IDO2: variants seen among roughly 807,000 people sequenced by gnomAD.
IDO2 encodes the protein indoleamine 2,3-dioxygenase-like 1 protein.
IDO2 carries 46 observed loss-of-function variants against 45.1 expected under a neutral mutation model. That is an observed-to-expected ratio of 1.02 (90% CI 0.80 to 1.30). The LOEUF (loss-of-function observed/expected upper bound fraction) is 1.30, where lower values mean the gene tolerates loss of function less well. Among genes scored for constraint, IDO2 ranks in the 50% most tolerant of loss-of-function variants. The probability of loss-of-function intolerance (pLI) is 0.00; values close to 1 mark genes in which losing one functional copy is unlikely to be tolerated. For missense variants in IDO2, 544 were observed against 491.8 expected (o/e 1.11, Z -1.00); for synonymous variants, 218 against 184.9 (o/e 1.18, Z -1.45).
At chr8:39,977,030 G>A (rs1470361105) in intron 3 of IDO2, among the ~76,000 whole-genome samples, 4 of 151,954 alleles carry the variant, frequency 2.6e-5, no homozygotes, top group African/African-American at 7.2e-5. Context: ...TCTTTCAAAT[G>A]TGTCTAGACG....
chr8:39,995,293 T>TCTTCTTCTTCTTCCTC (rs1554548632), intron 8 of IDO2: 3 of 144,774 alleles, frequency 2.1e-5, no homozygotes, highest in African/African-American at 2.7e-5. Flanking sequence ...TTCTTCTTTT[T>TCTTCTTCTTCTTCCTC]TTTTTGAGAT....
chr8:39,947,171 CAAAAA>C (rs55785952), intron 1 of IDO2, among the ~76,000 whole-genome samples: 2 of 80,018 alleles, frequency 2.5e-5, no homozygotes, highest in East Asian at 4.2e-4. Flanking sequence ...GCTAAGGTAT[CAAAAA>C]AAAAAAAAAA....
At chr8:40,012,196 T>A (rs961743479) in intron 9 of IDO2, among the ~76,000 whole-genome samples, 1 of 150,936 alleles carries the variant, frequency 6.6e-6, no homozygotes, top group African/African-American at 2.4e-5. Context: ...AAAATAACTT[T>A]TAGAATTATA....
At chr8:39,949,366 A>C (rs1807782684) in intron 2 of IDO2, 102 bp downstream of exon 2, 1 of 801,704 alleles carries the variant, frequency 1.2e-6, no homozygotes, top group South Asian at 1.9e-5. Flanking sequence ...GACCAATATA[A>C]ATATCAAGTT....
chr8:40,015,354 C>G, exon 11 of IDO2: 7 of 1,613,848 alleles, frequency 4.3e-6, no homozygotes, highest in Non-Finnish European at 5.1e-6. Context: ...GTCATCTGGA[C>G]AGGACCACTT....
chr8:39,935,129 T>G lies in IDO2; in HGVS notation c.-107T>G, dbSNP rs1186550342. 2.1e-6 allele frequency: 3 copies of G among 1,420,746 alleles called. No individual in the cohort carries two copies. The African/African-American group carries it at 4.2e-5, about 20-fold the overall frequency. The allele number at this position is 1,420,746 out of a possible 1,614,324, so 88.0% of individuals were successfully genotyped here. ...CATAATACAGAAGGCAATGGACACC[T>G]AAAGAACAGAATGAAAACCTTCTTA... On this transcript the variant is annotated 5_prime_UTR_variant, in exon 1 of 11. An upstream open reading frame in the 5' UTR loses its in-frame stop. Coordinates refer to ENST00000502986, the Ensembl canonical transcript of IDO2.
intron 1 of IDO2, among the ~76,000 whole-genome samples, chr8:39,946,690 C>A (rs1490709396): frequency 6.6e-6 from 1 of 152,190 alleles, no homozygotes; most frequent in Non-Finnish European, 1.5e-5. Flanking sequence ...AAACTCCAGT[C>A]TCCCGCACAG....
At chr8:39,935,184 G>A (rs557509465) in exon 1 of IDO2, 2 of 1,613,436 alleles carry the variant, frequency 1.2e-6, no homozygotes, top group African/African-American at 1.3e-5. Context: ...TCACCCACCA[G>A]GCCACCACAA....
intron 3 of IDO2, among the ~76,000 whole-genome samples, chr8:39,973,928 A>T (rs767314005): frequency 1.6e-4 from 24 of 152,042 alleles, no homozygotes; most frequent in Non-Finnish European, 3.2e-4. Context: ...TTTTTGGTAG[A>T]GACTGGGTTT....
intron 3 of IDO2, among the ~76,000 whole-genome samples, chr8:39,967,940 T>C (rs964855901): frequency 6.6e-6 from 1 of 152,166 alleles, no homozygotes; most frequent in Non-Finnish European, 1.5e-5. Context: ...CTTGGCAGAT[T>C]CTTATAAAAT....
intron 7 of IDO2, among the ~76,000 whole-genome samples, chr8:39,988,795 C>T (rs1203808494): frequency 1.3e-5 from 2 of 152,120 alleles, no homozygotes; most frequent in African/African-American, 2.4e-5. Context: ...TATATTATAG[C>T]GCTTTCTTTC....
intron 2 of IDO2, among the ~76,000 whole-genome samples, chr8:39,951,274 G>GATTTTT (rs1190638505): frequency 2.9e-4 from 16 of 55,814 alleles, no homozygotes; most frequent in Non-Finnish European, 6.3e-4. Context: ...CGGACCCCAA[G>GATTTTT]ATTTTTTTTT....
intron 1 of IDO2, among the ~76,000 whole-genome samples, chr8:39,937,324 T>C (rs1027536073): frequency 2.0e-5 from 3 of 152,172 alleles, no homozygotes; most frequent in African/African-American, 7.2e-5. Flanking sequence ...GCAGCTTACA[T>C]CAAACAGAAA....
intron 1 of IDO2, among the ~76,000 whole-genome samples, chr8:39,935,467 T>TTC (rs1807531749): frequency 6.8e-6 from 1 of 147,558 alleles, no homozygotes; most frequent in Non-Finnish European, 1.5e-5. Flanking sequence ...TGTTGTTGTT[T>TTC]TGAGACAGAG....
At chr8:40,005,143 C>T (rs142747825) in intron 8 of IDO2, among the ~76,000 whole-genome samples, 184 bp from the exon 9 acceptor site, 13 of 152,278 alleles carry the variant, frequency 8.5e-5, no homozygotes, top group East Asian at 5.8e-4. Context: ...TTAGAAGTTC[C>T]GGGAGCACCC....
exon 1 of IDO2, chr8:39,935,069 C>G (rs2129592756): frequency 1.1e-6 from 1 of 876,620 alleles, no homozygotes. Context: ...ATTTTAAAGA[C>G]AAGGATTGGA....
At chr8:39,994,240 G>A (rs4610729) in intron 8 of IDO2, among the ~76,000 whole-genome samples, 68,731 of 150,364 alleles carry the variant, frequency 0.46, 16,376 homozygotes, top group South Asian at 0.53. Flanking sequence ...CTATAATGAA[G>A]ATTGTTTCTT....
rs16888407 is a variant in IDO2 at position 39,944,263 on chromosome 8, C to T, written c.-17-4886C>T. ...GAGATCTATGACCTGAATATTATTA[C>T]GCAAGGATCCACTTTGGGATTACAG... On this transcript the variant is annotated intron_variant, in intron 1 of 10. Transcript: ENST00000502986. Among the ~76,000 whole-genome samples, 426 of 49,068 alleles carry T rather than the reference C, an allele frequency of 8.7e-3. 5 individuals are homozygous for T. In the East Asian group the frequency reaches 0.13, roughly 15 times the overall value. 32.2% of individuals were successfully genotyped at this position (49,068 alleles called of 152,430 possible).
At chr8:39,970,473 C>T (rs1197927211) in intron 3 of IDO2, among the ~76,000 whole-genome samples, 1 of 152,016 alleles carries the variant, frequency 6.6e-6, no homozygotes, top group African/African-American at 2.4e-5. Flanking sequence ...CTCACTGCAA[C>T]CTCCACCTCC....
Sources: allele counts gnomAD v4.1 joint callset (sites outside exome capture counted in the v4.1 genomes callset), GRCh38; gene constraint gnomAD v4.1.1; transcripts MANE v1.5; gene names NCBI Gene and HGNC (gene_info 2026-07-23, HGNC 2026-07-21).